The following RNF144A variants were observed in gnomAD, a reference collection of about 807,000 sequenced individuals.
The protein encoded by RNF144A is ring finger protein 144A.
RNF144A carries 11 observed loss-of-function variants against 38.7 expected under a neutral mutation model. That is an observed-to-expected ratio of 0.28 (90% CI 0.18 to 0.47). The LOEUF is 0.47. Among genes scored for constraint, RNF144A ranks in the 20% least tolerant of loss-of-function variants. The pLI is 0.99. For missense variants in RNF144A, 316 were observed against 377.2 expected, an observed-to-expected ratio of 0.84 and a Z score of 1.34; for synonymous variants, 149 against 143.9, an observed-to-expected ratio of 1.04 and a Z score of -0.25.
At chr2:7,066,227 A>G (rs1212768888) in intron 6 of RNF144A, among the ~76,000 whole-genome samples, 6 of 152,110 alleles carry the variant, frequency 3.9e-5, no homozygotes, top group Non-Finnish European at 8.8e-5. Flanking sequence ...AGCTGGGACT[A>G]CAGGCGCCCA....
chr2:7,016,133 GA>G (rs1046016193), intron 5 of RNF144A, among the ~76,000 whole-genome samples: 8 of 139,518 alleles, frequency 5.7e-5, no homozygotes, highest in East Asian at 2.1e-4. Flanking sequence ...GAAAGAAAAA[GA>G]AAAAAATATG....
At chr2:7,059,201 G>C (rs1673860118) in intron 6 of RNF144A, among the ~76,000 whole-genome samples, 1 of 152,040 alleles carries the variant, frequency 6.6e-6, no homozygotes, top group Admixed American at 6.6e-5. Flanking sequence ...CAAAAAATTA[G>C]CCAGGCATGG....
chr2:6,918,281 C>G (rs1664275671), intron 1 of RNF144A: 1 of 152,436 alleles, frequency 6.6e-6, no homozygotes, highest in African/African-American at 2.4e-5. Flanking sequence ...CGGGTCTTAC[C>G]CACCCCAGCC....
intron 2 of RNF144A, among the ~76,000 whole-genome samples, chr2:6,964,298 A>G (rs899497975): frequency 2.6e-5 from 4 of 152,248 alleles, no homozygotes; most frequent in Non-Finnish European, 4.4e-5. Flanking sequence ...TAGAATGGCA[A>G]TCATTAAAAA....
At chr2:6,930,382 G>A (rs1234673250) in intron 1 of RNF144A, among the ~76,000 whole-genome samples, 1 of 151,866 alleles carries the variant, frequency 6.6e-6, no homozygotes, top group Non-Finnish European at 1.5e-5. Flanking sequence ...TTCAATTATG[G>A]TTATATTTCA....
At chr2:7,035,274 C>T (rs916146730) in intron 8 of RNF144A, among the ~76,000 whole-genome samples, 2 of 152,220 alleles carry the variant, frequency 1.3e-5, no homozygotes, top group African/African-American at 2.4e-5. Flanking sequence ...GCCCAGGCCA[C>T]AGCACGTGCT....
At chr2:7,018,807 G>A (rs971981043) in intron 5 of RNF144A, among the ~76,000 whole-genome samples, 4 of 151,986 alleles carry the variant, frequency 2.6e-5, no homozygotes, top group African/African-American at 7.3e-5. Context: ...GACCTCCAGC[G>A]TTCCTTGTTA....
At chr2:6,997,218 G>C (rs140820565) in intron 3 of RNF144A, among the ~76,000 whole-genome samples, 157 bp downstream of exon 3, 75 of 152,308 alleles carry the variant, frequency 4.9e-4, no homozygotes, top group African/African-American at 1.7e-3. Context: ...GAATTATTCT[G>C]TTAGTCAGGC....
intron 1 of RNF144A, among the ~76,000 whole-genome samples, chr2:6,937,649 G>A (rs1665675385): frequency 6.6e-6 from 1 of 152,210 alleles, no homozygotes; most frequent in Admixed American, 6.5e-5. Context: ...TTGCAACAAA[G>A]TGGATACCAT....
In RNF144A at chr2:7,041,589, G is replaced by A. The variant is rs1036527161; in HGVS notation, c.*1829G>A. On this transcript the variant is annotated 3_prime_UTR_variant, in exon 9 of 9. Transcript: ENST00000320892. Reference sequence around the variant, plus strand: ...CTACTGTTAGAATAGCTTTTCTGGAGGTGGGTGGCAACTCCACGCGGGAGT... The same window carrying A: ...CTACTGTTAGAATAGCTTTTCTGGAAGTGGGTGGCAACTCCACGCGGGAGT... The A allele has an allele frequency of 1.9e-5, 19 of 985,816 alleles. No homozygotes were observed. The African/African-American group carries it at 3.3e-4, about 17-fold the overall frequency. The allele number at this position is 985,816 out of a possible 1,614,324, so 61.1% of individuals were successfully genotyped here.
intron 1 of RNF144A, among the ~76,000 whole-genome samples, chr2:6,933,915 A>G (rs954157279): frequency 6.6e-6 from 1 of 151,954 alleles, no homozygotes; most frequent in Non-Finnish European, 1.5e-5. Context: ...AGTAATTTTC[A>G]GTTTTTGCTG....
At chr2:6,931,390 C>T (rs1181895950) in intron 1 of RNF144A, among the ~76,000 whole-genome samples, 1 of 152,212 alleles carries the variant, frequency 6.6e-6, no homozygotes, top group East Asian at 1.9e-4. Context: ...GAAGGCCTGT[C>T]CAAAATGCAG....
At chr2:6,934,084 C>G (rs1208591263) in intron 1 of RNF144A, among the ~76,000 whole-genome samples, 1 of 152,064 alleles carries the variant, frequency 6.6e-6, no homozygotes, top group Non-Finnish European at 1.5e-5. Context: ...GATCTGTTTC[C>G]AAGTCATTTT....
intron 6 of RNF144A, among the ~76,000 whole-genome samples, chr2:7,066,627 T>C (rs1324907040): frequency 6.6e-6 from 1 of 152,228 alleles, no homozygotes; most frequent in Non-Finnish European, 1.5e-5. Context: ...AGGCCTTAAC[T>C]GGAATGTTGT....
At chr2:7,021,216 A>G (rs1671510557) in intron 6 of RNF144A, among the ~76,000 whole-genome samples, 1 of 152,178 alleles carries the variant, frequency 6.6e-6, no homozygotes, top group South Asian at 2.1e-4. Context: ...AGGTTGATGC[A>G]TAGGAAATTC....
At chr2:7,062,004 T>C (rs1381909272) in intron 6 of RNF144A, among the ~76,000 whole-genome samples, 1 of 152,208 alleles carries the variant, frequency 6.6e-6, no homozygotes, top group Admixed American at 6.5e-5. Context: ...TGAGCATTTG[T>C]TATTGTCCCT....
intron 6 of RNF144A, 90 bp downstream of exon 6, chr2:7,020,770 T>A: frequency 8.3e-7 from 1 of 1,209,950 alleles, no homozygotes; most frequent in Non-Finnish European, 1.2e-6. Flanking sequence ...TGTTACAGTG[T>A]AAGTGGCTGT....
intron 3 of RNF144A, among the ~76,000 whole-genome samples, chr2:7,000,985 C>G (rs895384991): frequency 6.6e-6 from 1 of 151,706 alleles, no homozygotes; most frequent in Non-Finnish European, 1.5e-5. Context: ...GATATATAAC[C>G]GTAGAAAGTT....
chr2:7,052,313 C>T lies in RNF144A; in HGVS notation c.735-15903C>T, dbSNP rs534330890. 6.6e-5 allele frequency among the ~76,000 whole-genome samples: 10 copies of T among 152,290 alleles called. No individual in the cohort carries two copies. In the South Asian group the frequency reaches 1.2e-3, roughly 19 times the overall value. On this transcript the variant is annotated intron_variant, in intron 6 of 6. Transcript: ENST00000432850. Reference sequence around the variant, plus strand: ...GCCTAGCATCTAACATGAGGAGCCCCGGCACTTTTCATTTTCTAGTCCTCA... The same window carrying T: ...GCCTAGCATCTAACATGAGGAGCCCTGGCACTTTTCATTTTCTAGTCCTCA...
Sources: gnomAD v4.1 joint callset for allele counts (sites outside exome capture counted in the v4.1 genomes callset) on GRCh38, gnomAD v4.1.1 for gene constraint, MANE v1.5 for transcripts, NCBI Gene and HGNC (gene_info 2026-07-23, HGNC 2026-07-21) for gene names.